E2F6: variants seen among roughly 807,000 people sequenced by gnomAD.
E2F6 encodes E2F transcription factor 6.
E2F6 carries 19 observed loss-of-function variants against 31.5 expected under a neutral mutation model. That is an observed-to-expected ratio of 0.60 (90% CI 0.42 to 0.89). The LOEUF is 0.89. E2F6 is among the 40% of genes least tolerant of loss of function. The pLI, the probability that E2F6 is intolerant of heterozygous loss-of-function variation, is 0.00. For missense variants in E2F6, 269 were observed against 341.6 expected (o/e 0.79, Z 1.67); for synonymous variants, 121 against 127.7 (o/e 0.95, Z 0.36).
At chr2:11,446,967 T>TG (rs990120888) in intron 6 of E2F6, among the ~76,000 whole-genome samples, 3 of 152,162 alleles carry the variant, frequency 2.0e-5, no homozygotes, top group African/African-American at 7.2e-5. Flanking sequence ...CCGCAGTGCT[T>TG]GTCAAGTTCT....
In E2F6 at chr2:11,446,635, G is replaced by A. The variant is rs1048340021; in HGVS notation, c.800-112C>T. 42 of 870,234 alleles carry A rather than the reference G, an allele frequency of 4.8e-5. No homozygotes were observed. The African/African-American group carries it at 5.1e-4, about 11-fold the overall frequency. 53.9% of individuals were successfully genotyped at this position (870,234 alleles called of 1,614,324 possible). A position where few individuals can be genotyped will look rare whatever the true frequency, so the allele number is the denominator to read the frequency against. On this transcript the variant is annotated intron_variant, in intron 6 of 6. Transcript: ENST00000381525. ...TCTGACTACTTCAGAAAACCCTGAA[G>A]ATGCCTGGTCAAGAACACGTATTCT... is the stretch of plus-strand genomic sequence containing the variant.
chr2:11,456,129 T>A (rs187654272), intron 2 of E2F6, among the ~76,000 whole-genome samples: 70 of 152,332 alleles, frequency 4.6e-4, no homozygotes, highest in Non-Finnish European at 7.5e-4. Flanking sequence ...GTCTGCTCTG[T>A]CTACCCATTC....
rs752137921 is a variant in E2F6, at chr2:11,450,097, T to C, written c.566A>G (p.His189Arg). 4.3e-6 allele frequency: 7 copies of C among 1,613,196 alleles called. No individual in the cohort carries two copies. Among genetic ancestry groups the C allele is most frequent in the African/African-American group, 2.7e-5 (2 of 74,898 alleles). ...RLAYVTYQDI[H>R]SIQAFHEQIV... ...CTGTTCATGGAAGGCCTGAATGCTATGAATGTCTTGATAGGTCACATATGC... is the reference window on the plus strand; with the variant it reads ...CTGTTCATGGAAGGCCTGAATGCTACGAATGTCTTGATAGGTCACATATGC... Residue 189 changes from histidine (H) to arginine (R), a missense_variant, in exon 5 of 7, where the codon CAT becomes CGT. By Grantham distance (29) the His-to-Arg change is conservative. Coordinates refer to ENST00000381525, the MANE Select transcript of E2F6 (RefSeq NM_198256.4).
In E2F6 at chr2:11,446,538, G is replaced by A. The variant is rs759590056; in HGVS notation, c.800-15C>T. The A allele has an allele frequency of 6.6e-5, 106 of 1,611,840 alleles. No individual in the cohort carries two copies. Among genetic ancestry groups the A allele is most frequent in the Non-Finnish European group, 8.6e-5 (101 of 1,178,302 alleles). ...AGGATTTTCTTCTGGAAAAGAACAC[G>A]AGAGAGAAATACACCTAAGTGAATA... On this transcript the variant is annotated splice_polypyrimidine_tract_variant and intron_variant, in intron 6 of 6. Transcript: ENST00000381525.
Position 11,453,558 on chromosome 2 carries a change from C to T in E2F6, c.380+24G>A, listed in dbSNP as rs767623944. The stretch of plus-strand genomic sequence containing the variant: ...ACTTGATGAGAAGGAACAAAAGCCA[C>T]GAAAAAGTTTGAAAGCAACTCACAT... On this transcript the variant is annotated intron_variant, in intron 3 of 6. Transcript: ENST00000381525. The T allele has an allele frequency of 6.2e-6, 10 of 1,609,488 alleles. No homozygotes were observed. In the East Asian group the frequency reaches 1.1e-4, roughly 18 times the overall value.
At chr2:11,453,169 T>A (rs979918505) in intron 3 of E2F6, among the ~76,000 whole-genome samples, 1 of 151,930 alleles carries the variant, frequency 6.6e-6, no homozygotes, top group Admixed American at 6.5e-5. Flanking sequence ...AGACACTGTC[T>A]GATTTTTTTT....
At chr2:11,455,682 A>G (rs959237406) in intron 2 of E2F6, among the ~76,000 whole-genome samples, 4 of 152,246 alleles carry the variant, frequency 2.6e-5, no homozygotes, top group Admixed American at 2.6e-4. Flanking sequence ...AAGAACATGT[A>G]CAACGGAACA....
chr2:11,463,340 T>G (rs1671903658), intron 1 of E2F6, among the ~76,000 whole-genome samples: 1 of 152,130 alleles, frequency 6.6e-6, no homozygotes, highest in African/African-American at 2.4e-5. Context: ...CCCGAAGGAG[T>G]AGGATTTTCT....
At position 11,465,800 on chromosome 2, in the gene E2F6, C is replaced by G; in HGVS notation, c.80G>C (p.Arg27Pro). 1 of 1,600,452 alleles carries G rather than the reference C, an allele frequency of 6.2e-7. No homozygotes were observed. The highest frequency in any genetic ancestry group is 8.5e-7 in the Non-Finnish European group (1 of 1,174,428). ...CAGGCCCTCCACGTTGATGGGGTCT[C>G]GGCACCGACGGCGAACCGTCTCCTC... ...PTEETVRRRC[R>P]DPINVEGLLP... The change falls in exon 1 of 7, where the codon CGA becomes CCA. Residue 27 changes from arginine to proline, a missense_variant. Physicochemically the swap from Arg to Pro is moderately radical, Grantham distance 103 (BLOSUM62 -2). Transcript: ENST00000381525.
intron 2 of E2F6, among the ~76,000 whole-genome samples, chr2:11,454,792 T>C (rs1671301669): frequency 6.6e-6 from 1 of 152,172 alleles, no homozygotes; most frequent in Non-Finnish European, 1.5e-5. Context: ...ACATTCACAC[T>C]TGTGTGCCAA....
At chr2:11,461,034 G>A (rs1284082177) in intron 1 of E2F6, among the ~76,000 whole-genome samples, 2 of 152,118 alleles carry the variant, frequency 1.3e-5, no homozygotes, top group Non-Finnish European at 2.9e-5. Flanking sequence ...AAGCAAAGAG[G>A]GGTGGCGGGG....
chr2:11,447,549 T>C, intron 6 of E2F6, 78 bp downstream of exon 6: 1 of 1,481,044 alleles, frequency 6.8e-7, no homozygotes, highest in Non-Finnish European at 9.2e-7. Context: ...AGAGTAAAAA[T>C]ATCTTAAGGC....
At chr2:11,455,872 G>T (rs902575769) in intron 2 of E2F6, among the ~76,000 whole-genome samples, 1 of 152,182 alleles carries the variant, frequency 6.6e-6, no homozygotes, top group African/African-American at 2.4e-5. Context: ...AACTGGGAAG[G>T]CCTCTTGATG....
chr2:11,458,250 T>C, intron 1 of E2F6: 1 of 1,551,038 alleles, frequency 6.4e-7, no homozygotes, highest in Non-Finnish European at 8.7e-7. Flanking sequence ...TCAACAGCAG[T>C]ACTAGGGATA....
chr2:11,465,490 T>C (rs927125976), intron 1 of E2F6, among the ~76,000 whole-genome samples: 6 of 152,090 alleles, frequency 3.9e-5, no homozygotes, highest in Admixed American at 6.5e-5. Flanking sequence ...CTAGAGTCCA[T>C]AGAAGGAGAT....
chr2:11,457,060 A>C, intron 2 of E2F6, 119 bp downstream of exon 2: 5 of 783,748 alleles, frequency 6.4e-6, no homozygotes, highest in Non-Finnish European at 1.1e-5. Context: ...TTTACATTTC[A>C]GTGTACACAT....
Position 11,450,871 on chromosome 2 carries a change from T to C in E2F6, c.537-745A>G, listed in dbSNP as rs1438346645. 2.6e-5 allele frequency among the ~76,000 whole-genome samples: 4 copies of C among 152,124 alleles called. 1 individual carries two copies. The highest frequency in any genetic ancestry group is 5.9e-5 in the Non-Finnish European group (4 of 68,026). On this transcript the variant is annotated intron_variant, in intron 4 of 6. Coordinates refer to ENST00000381525, the MANE Select transcript of E2F6 (RefSeq NM_198256.4). The stretch of plus-strand genomic sequence containing the variant: ...TTTTAAGTAAATATGAGGTATGGGA[T>C]AGCTCAGAATCAGTGAGCCCCTCAA...
At chr2:11,458,419 T>A in intron 1 of E2F6, 1 of 1,500,060 alleles carries the variant, frequency 6.7e-7, no homozygotes, top group African/African-American at 1.4e-5. Context: ...AAGATGTATA[T>A]GGCATGGCAT....
chr2:11,446,681 A>G (rs1019908588), intron 6 of E2F6, among the ~76,000 whole-genome samples, 158 bp from the exon 7 acceptor site: 2 of 152,186 alleles, frequency 1.3e-5, no homozygotes, highest in Non-Finnish European at 2.9e-5. Flanking sequence ...GCATAAGGCT[A>G]ATTTTTTCAG....
Sources: allele counts gnomAD v4.1 joint callset (sites outside exome capture counted in the v4.1 genomes callset), GRCh38; gene constraint gnomAD v4.1.1; transcripts MANE v1.5; gene names NCBI Gene and HGNC (gene_info 2026-07-23, HGNC 2026-07-21).